The following CACUL1 variants were observed in gnomAD, a reference collection of about 807,000 sequenced individuals.
The protein encoded by CACUL1 is CDK2-associated and cullin domain-containing protein 1.
In CACUL1, 13 loss-of-function variants were observed where a neutral mutation model predicts 45.2. The observed-to-expected ratio is 0.29, with a 90% CI of 0.19 to 0.46. The LOEUF is 0.46. Ranked by LOEUF, CACUL1 falls within the 20% of genes least tolerant of loss-of-function variation. The pLI is 1.00. For synonymous variants in CACUL1, 197 were observed against 174.2 expected (o/e 1.13, Z -1.03); for missense variants, 421 against 471.4 (o/e 0.89, Z 0.99).
intron 3 of CACUL1, among the ~76,000 whole-genome samples, chr10:118,723,487 T>C (rs1233117189): frequency 6.6e-6 from 1 of 152,212 alleles, no homozygotes; most frequent in Non-Finnish European, 1.5e-5. Context: ...TTCCTACATA[T>C]CTTCAAGTTT....
Position 118,746,151 on chromosome 10 carries a change from C to CAAAAAAAAA in CACUL1, c.367+8236_367+8244dup, listed in dbSNP as rs376453440. Among the ~76,000 whole-genome samples the CAAAAAAAAA allele has an allele frequency of 4.0e-3, 364 of 91,202 alleles. 9 individuals carry two copies. The highest frequency in any genetic ancestry group is 0.011 in the African/African-American group (287 of 27,116). 59.8% of individuals were successfully genotyped at this position (91,202 alleles called of 152,430 possible). A position where few individuals can be genotyped will look rare whatever the true frequency, so the allele number is the denominator to read the frequency against. Reference sequence around the variant, plus strand: ...TGGGCAACAGAGCGAGACACTGTCTCAAAAAAAAAAAAAAAGGAGTCTTTA... The same window carrying CAAAAAAAAA: ...TGGGCAACAGAGCGAGACACTGTCTCAAAAAAAAAAAAAAAAAAAAAAAAGGAGTCTTTA... On this transcript the variant is annotated intron_variant, in intron 1 of 8. Coordinates refer to ENST00000369151, the MANE Select transcript of CACUL1 (RefSeq NM_153810.5).
chr10:118,722,701 G>T (rs1845612795), intron 3 of CACUL1, among the ~76,000 whole-genome samples: 1 of 152,174 alleles, frequency 6.6e-6, no homozygotes, highest in Admixed American at 6.5e-5. Flanking sequence ...TAAATGAAAA[G>T]GTGAAAGTTC....
At chr10:118,686,532 C>T in intron 8 of CACUL1, 66 bp downstream of exon 8, 1 of 1,179,402 alleles carries the variant, frequency 8.5e-7, no homozygotes, top group Non-Finnish European at 1.3e-6. Context: ...ACTGTTATCA[C>T]AGTGCATTAA....
chr10:118,709,917 T>C (rs1845468514), intron 3 of CACUL1, among the ~76,000 whole-genome samples: 1 of 152,000 alleles, frequency 6.6e-6, no homozygotes, highest in Non-Finnish European at 1.5e-5. Context: ...TTTTTTTTTG[T>C]ACATTTTGAG....
At chr10:118,697,373 T>C (rs981946441) in intron 5 of CACUL1, among the ~76,000 whole-genome samples, 1 of 152,218 alleles carries the variant, frequency 6.6e-6, no homozygotes, top group African/African-American at 2.4e-5. Flanking sequence ...GTACTCTACT[T>C]CACCATACCA....
chr10:118,681,466 A>C lies in CACUL1; in HGVS notation c.*4662T>G, dbSNP rs1015377174. 3 of 152,236 alleles carry C rather than the reference A, an allele frequency of 2.0e-5. No homozygotes were observed. The highest frequency in any genetic ancestry group is 7.2e-5 in the African/African-American group (3 of 41,458). 9.4% of individuals were successfully genotyped at this position (152,236 alleles called of 1,614,324 possible). ...CTCTTCTAAGAGAATACCCAGTCTT[A>C]GTGCATTTAGTACATAGTCACAACA... On this transcript the variant is annotated 3_prime_UTR_variant, in exon 9 of 9. Coordinates refer to ENST00000369151, the MANE Select transcript of CACUL1 (RefSeq NM_153810.5).
intron 4 of CACUL1, among the ~76,000 whole-genome samples, chr10:118,707,168 A>C (rs182723225): frequency 1.4e-3 from 220 of 152,348 alleles, no homozygotes; most frequent in Admixed American, 4.3e-3. Context: ...GAGGACAAGA[A>C]ATCTTACATA....
intron 6 of CACUL1, among the ~76,000 whole-genome samples, chr10:118,693,997 T>C (rs1400899960): frequency 2.0e-5 from 3 of 152,284 alleles, no homozygotes; most frequent in African/African-American, 7.2e-5. Flanking sequence ...AGGAAGTAGC[T>C]GGGACTACAG....
At chr10:118,709,455 A>C (rs1003301962) in intron 3 of CACUL1, among the ~76,000 whole-genome samples, 1 of 152,240 alleles carries the variant, frequency 6.6e-6, no homozygotes, top group Non-Finnish European at 1.5e-5. Flanking sequence ...AATTTGTCTA[A>C]GACTAGACCG....
At chr10:118,730,911 C>T (rs1335964908) in intron 1 of CACUL1, among the ~76,000 whole-genome samples, 1 of 152,194 alleles carries the variant, frequency 6.6e-6, no homozygotes, top group Non-Finnish European at 1.5e-5. Context: ...AAAGAGGTTG[C>T]TGTAAAACTT....
At chr10:118,731,487 T>C (rs1007136550) in intron 1 of CACUL1, among the ~76,000 whole-genome samples, 2 of 152,220 alleles carry the variant, frequency 1.3e-5, no homozygotes, top group African/African-American at 2.4e-5. Flanking sequence ...ACTTCTGTTA[T>C]TTAATTTTAT....
intron 3 of CACUL1, among the ~76,000 whole-genome samples, chr10:118,708,649 G>A (rs191388198): frequency 5.5e-4 from 83 of 152,212 alleles, no homozygotes; most frequent in African/African-American, 2.0e-3. Flanking sequence ...AGTAATTAAG[G>A]CTACACGAAG....
At chr10:118,731,626 C>T (rs972803439) in intron 1 of CACUL1, among the ~76,000 whole-genome samples, 3 of 152,166 alleles carry the variant, frequency 2.0e-5, no homozygotes, top group African/African-American at 2.4e-5. Context: ...GTCCCATTTA[C>T]ATGATACTAA....
chr10:118,710,466 T>A (rs1845474304), intron 3 of CACUL1, among the ~76,000 whole-genome samples: 2 of 152,136 alleles, frequency 1.3e-5, no homozygotes, highest in African/African-American at 4.8e-5. Context: ...ACACCTCTGG[T>A]TGCACAGCAA....
chr10:118,677,474 C>T lies in CACUL1; in HGVS notation c.*8654G>A, dbSNP rs1164668662. ...TGCTTCCAAGTCCCCGTTCTCCCCT[C>T]TGTTCTCATTCCCCTCCACCACCCT... On this transcript the variant is annotated 3_prime_UTR_variant, in exon 9 of 9. Coordinates refer to ENST00000369151, the MANE Select transcript of CACUL1 (RefSeq NM_153810.5). The T allele has an allele frequency of 6.6e-6, 1 of 152,220 alleles. No individual in the cohort carries two copies. Among genetic ancestry groups the T allele is most frequent in the Non-Finnish European group, 1.5e-5 (1 of 68,042 alleles). The allele number at this position is 152,220 out of a possible 1,614,324, so 9.4% of individuals were successfully genotyped here. A position where few individuals can be genotyped will look rare whatever the true frequency, so the allele number is the denominator to read the frequency against.
intron 5 of CACUL1, 31 bp from the exon 6 acceptor site, chr10:118,695,261 T>A: frequency 8.5e-7 from 1 of 1,175,180 alleles, no homozygotes; most frequent in Non-Finnish European, 1.3e-6. Context: ...AAAAAGAATG[T>A]AACACATATT....
chr10:118,693,954 G>A (rs1326739421), intron 6 of CACUL1, among the ~76,000 whole-genome samples: 1 of 152,200 alleles, frequency 6.6e-6, no homozygotes, highest in Middle Eastern at 3.4e-3. Context: ...TCACTCTATC[G>A]CCCAGGCTGG....
chr10:118,734,403 T>G (rs537404968), intron 1 of CACUL1, among the ~76,000 whole-genome samples: 1 of 152,224 alleles, frequency 6.6e-6, no homozygotes, highest in African/African-American at 2.4e-5. Flanking sequence ...AAATTCCTTT[T>G]CTGTATGTAA....
intron 5 of CACUL1, among the ~76,000 whole-genome samples, chr10:118,695,592 T>C (rs1845314828): frequency 6.6e-6 from 1 of 152,210 alleles, no homozygotes; most frequent in Non-Finnish European, 1.5e-5. Flanking sequence ...CCCTCAATCA[T>C]TTCTCCTTCC....
Sources: allele counts gnomAD v4.1 joint callset (sites outside exome capture counted in the v4.1 genomes callset), GRCh38; gene constraint gnomAD v4.1.1; transcripts MANE v1.5; gene names NCBI Gene and HGNC (gene_info 2026-07-23, HGNC 2026-07-21).